Variants in WNT3A observed in about 807,000 individuals in gnomAD.
WNT3A encodes Wnt family member 3A, also known as protein Wnt-3a.
WNT3A carries 17 observed loss-of-function variants against 37.0 expected under a neutral mutation model. That is an observed-to-expected ratio of 0.46 (90% confidence interval 0.31 to 0.69). The LOEUF (loss-of-function observed/expected upper bound fraction) is 0.69, where lower values mean the gene tolerates loss of function less well. Ranked by LOEUF, WNT3A falls within the 30% of genes least tolerant of loss-of-function variation. WNT3A has a pLI of 0.05. For synonymous variants in WNT3A, 187 were observed against 211.0 expected (o/e 0.89, Z 0.99); for missense variants, 411 against 510.2 (o/e 0.81, Z 1.87).
intron 3 of WNT3A, among the ~76,000 whole-genome samples, chr1:228,055,458 G>A (rs1213576826): frequency 6.6e-6 from 1 of 151,526 alleles, no homozygotes; most frequent in African/African-American, 2.4e-5. Context: ...GATATAAATG[G>A]ATATAAATAG....
At chr1:228,032,137 C>T (rs1338236040) in intron 2 of WNT3A, among the ~76,000 whole-genome samples, 4 of 152,194 alleles carry the variant, frequency 2.6e-5, no homozygotes, top group Admixed American at 6.5e-5. Context: ...CTTGCCAAAG[C>T]GGGGAGGGCT....
intron 2 of WNT3A, among the ~76,000 whole-genome samples, chr1:228,044,339 C>T (rs570837024): frequency 6.6e-6 from 1 of 152,334 alleles, no homozygotes; most frequent in South Asian, 2.1e-4. Flanking sequence ...ATTCACCACA[C>T]TCTGGACGTC....
intron 3 of WNT3A, among the ~76,000 whole-genome samples, chr1:228,052,231 C>T (rs994850159): frequency 1.9e-4 from 29 of 152,208 alleles, no homozygotes; most frequent in Admixed American, 1.5e-3. Context: ...GCAGCCTCCA[C>T]GTCCCGGGTT....
At position 228,042,890 on chromosome 1, in the gene WNT3A, G is replaced by A. The variant is rs2031320052; in HGVS notation, c.314-7766G>A. ...ATGGATAGATGGGTGGTGGATGGTG[G>A]ATGATTGTACATGATGGATAGTAGA... is the stretch of plus-strand genomic sequence containing the variant. On this transcript the variant is annotated intron_variant, in intron 2 of 3. Transcript: ENST00000284523. This position sits in a 1 kb window ranked among gnomAD's most constrained non-coding sequence, Gnocchi z 5.2. Among the ~76,000 whole-genome samples, 2 of 151,738 alleles carry A rather than the reference G, an allele frequency of 1.3e-5. No individual in the cohort carries two copies. Among genetic ancestry groups the A allele is most frequent in the South Asian group, 4.2e-4 (2 of 4,786 alleles).
chr1:228,010,745 C>A (rs1301817266), intron 1 of WNT3A, among the ~76,000 whole-genome samples: 1 of 152,266 alleles, frequency 6.6e-6, no homozygotes, highest in Non-Finnish European at 1.5e-5. Flanking sequence ...CTGCCCCTGG[C>A]CTGCTCCACA....
intron 2 of WNT3A, among the ~76,000 whole-genome samples, chr1:228,041,799 T>A (rs2031291275): frequency 6.6e-6 from 1 of 152,128 alleles, no homozygotes; most frequent in South Asian, 2.1e-4. Context: ...CAACAAAGCC[T>A]CCCACCAGAG....
chr1:228,020,047 A>C (rs2102764006), intron 1 of WNT3A, among the ~76,000 whole-genome samples: 1 of 152,342 alleles, frequency 6.6e-6, no homozygotes, highest in East Asian at 1.9e-4. Context: ...CCAACATGGC[A>C]AAACCCCGTC....
At chr1:228,045,393 G>A (rs2031378503) in intron 2 of WNT3A, among the ~76,000 whole-genome samples, 1 of 152,192 alleles carries the variant, frequency 6.6e-6, no homozygotes, top group Non-Finnish European at 1.5e-5. Context: ...GAGGGCAGGT[G>A]GAGCTGTGTG....
chr1:228,059,748 C>G lies in WNT3A; in HGVS notation c.*283C>G. 7.8e-7 allele frequency: 1 copy of G among 1,275,438 alleles called. No homozygotes were observed. The highest frequency in any genetic ancestry group is 3.4e-5 in the East Asian group (1 of 29,630). The allele number at this position is 1,275,438 out of a possible 1,614,324, so 79.0% of individuals were successfully genotyped here. The stretch of plus-strand genomic sequence containing the variant: ...GGCTTCTCCCTGGGGACGGGGCTCC[C>G]CTGGACAGAGGCGGGGCTACAGATT... On this transcript the variant is annotated 3_prime_UTR_variant, in exon 4 of 4. Transcript: ENST00000284523.
chr1:228,045,160 C>A (rs1197243342), intron 2 of WNT3A, among the ~76,000 whole-genome samples: 1 of 152,190 alleles, frequency 6.6e-6, no homozygotes, highest in Non-Finnish European at 1.5e-5. Context: ...GCAGGGATCT[C>A]GAGGCCCTTG....
chr1:228,049,857 A>G (rs1284489045), intron 2 of WNT3A, among the ~76,000 whole-genome samples: 1 of 152,062 alleles, frequency 6.6e-6, no homozygotes, highest in African/African-American at 2.4e-5. Context: ...AGCTCACTGC[A>G]GCCTCAAACT....
intron 2 of WNT3A, among the ~76,000 whole-genome samples, chr1:228,023,697 G>T (rs1451869119): frequency 6.6e-6 from 1 of 152,162 alleles, no homozygotes; most frequent in Non-Finnish European, 1.5e-5. Flanking sequence ...GAAAATCCGC[G>T]ATTTTAAAGT....
At chr1:228,049,611 C>T (rs1393687984) in intron 2 of WNT3A, among the ~76,000 whole-genome samples, 1 of 152,156 alleles carries the variant, frequency 6.6e-6, no homozygotes, top group Non-Finnish European at 1.5e-5. Context: ...CTCCATCCAG[C>T]TGTGAACAAG....
chr1:228,023,428 C>T (rs1028054660), intron 2 of WNT3A, among the ~76,000 whole-genome samples: 2 of 151,040 alleles, frequency 1.3e-5, no homozygotes, highest in East Asian at 3.9e-4. Context: ...GAGAAAGACA[C>T]ACACACAGAG....
At chr1:228,025,313 C>T (rs188828038) in intron 2 of WNT3A, among the ~76,000 whole-genome samples, 1 of 152,208 alleles carries the variant, frequency 6.6e-6, no homozygotes, top group East Asian at 1.9e-4. Context: ...CAGGGTCTTT[C>T]CATTTATTTA....
chr1:228,046,777 T>C (rs1027690130), intron 2 of WNT3A, among the ~76,000 whole-genome samples: 5 of 150,150 alleles, frequency 3.3e-5, no homozygotes, highest in East Asian at 4.0e-4. Context: ...GGTGTGCATG[T>C]GTGTGCATGC....
Position 228,050,538 on chromosome 1 carries a change from C to T in WNT3A, c.314-118C>T, listed in dbSNP as rs2031520651. 4 of 1,316,754 alleles carry T rather than the reference C, an allele frequency of 3.0e-6. No individual in the cohort carries two copies. Among genetic ancestry groups the T allele is most frequent in the South Asian group, 3.2e-5 (2 of 62,694 alleles). The allele number at this position is 1,316,754 out of a possible 1,614,324, so 81.6% of individuals were successfully genotyped here. Reference sequence around the variant, plus strand: ...ACCAAGTAAGCCTCTTTGCCTTATACACCACCCAACCTCACGAGTTCCTTT... The same window carrying T: ...ACCAAGTAAGCCTCTTTGCCTTATATACCACCCAACCTCACGAGTTCCTTT... On this transcript the variant is annotated intron_variant, in intron 2 of 3. Coordinates refer to ENST00000284523, the MANE Select transcript of WNT3A (RefSeq NM_033131.4). This position sits in a 1 kb window ranked among gnomAD's most constrained non-coding sequence, Gnocchi z 5.0.
At chr1:228,020,400 C>T (rs1480778866) in intron 1 of WNT3A, among the ~76,000 whole-genome samples, 3 of 152,230 alleles carry the variant, frequency 2.0e-5, no homozygotes, top group Non-Finnish European at 4.4e-5. Flanking sequence ...GTTCAACCCA[C>T]CTTCTCCTGT....
intron 3 of WNT3A, among the ~76,000 whole-genome samples, chr1:228,052,515 G>A (rs147802896): frequency 6.6e-6 from 1 of 152,156 alleles, no homozygotes; most frequent in Non-Finnish European, 1.5e-5. Context: ...TGCTAGAAAG[G>A]ATGTGGTCAG....
Sources: gnomAD v4.1 joint callset for allele counts (sites outside exome capture counted in the v4.1 genomes callset) on GRCh38, gnomAD v4.1.1 for gene constraint, Gnocchi (gnomAD v3.1) non-coding constraint, MANE v1.5 for transcripts, NCBI Gene and HGNC (gene_info 2026-07-23, HGNC 2026-07-21) for gene names.